Variants in PLXNA2 observed in about 807,000 individuals in gnomAD.
The protein encoded by PLXNA2 is plexin A2, also known as plexin-A2.
A neutral mutation model predicts 193.5 loss-of-function variants in PLXNA2; 91 were observed. The observed-to-expected ratio is 0.47, with a 90% CI of 0.40 to 0.56. The LOEUF (loss-of-function observed/expected upper bound fraction) is 0.56. PLXNA2 is among the 20% of genes least tolerant of loss of function. The probability of loss-of-function intolerance (pLI) is 0.00; values close to 1 mark genes in which losing one functional copy is unlikely to be tolerated. For synonymous variants in PLXNA2, 997 were observed against 1,027.3 expected, an observed-to-expected ratio of 0.97 and a Z score of 0.56; for missense variants, 1,995 against 2,503.2, an observed-to-expected ratio of 0.80 and a Z score of 4.33.
At chr1:208,046,403 G>T (rs1338370119) in intron 17 of PLXNA2, among the ~76,000 whole-genome samples, 1 of 152,174 alleles carries the variant, frequency 6.6e-6, no homozygotes, top group Non-Finnish European at 1.5e-5. Context: ...GGCAGACACA[G>T]TCTGGAGGGA....
rs548644189 is a variant in PLXNA2 at position 208,196,475 on chromosome 1, A to G, written c.1371+13805T>C. Reference sequence around the variant, plus strand: ...ACAGTGTATTTGTGGGGCAGACAACAGAAGTGAATGCAAATCCTGTGTTCA... The same window carrying G: ...ACAGTGTATTTGTGGGGCAGACAACGGAAGTGAATGCAAATCCTGTGTTCA... On this transcript the variant is annotated intron_variant, in intron 3 of 31. Coordinates refer to ENST00000367033, the MANE Select transcript of PLXNA2 (RefSeq NM_025179.4). Among the ~76,000 whole-genome samples the G allele has an allele frequency of 3.0e-3, 463 of 152,350 alleles. 2 individuals are homozygous for G. Among genetic ancestry groups the G allele is most frequent in the Non-Finnish European group, 4.7e-3 (322 of 68,038 alleles).
At chr1:208,146,059 C>T (rs1440119714) in intron 3 of PLXNA2, among the ~76,000 whole-genome samples, 1 of 152,036 alleles carries the variant, frequency 6.6e-6, no homozygotes, top group Non-Finnish European at 1.5e-5. Flanking sequence ...GCCAGGAGGC[C>T]AGGTCAAGGA....
intron 4 of PLXNA2, among the ~76,000 whole-genome samples, chr1:208,118,884 A>G (rs2102445254): frequency 6.6e-6 from 1 of 152,344 alleles, no homozygotes; most frequent in Non-Finnish European, 1.5e-5. Context: ...TTTTGGAGTC[A>G]TAACTGATGT....
intron 3 of PLXNA2, among the ~76,000 whole-genome samples, chr1:208,196,414 C>G (rs1331261317): frequency 6.6e-6 from 1 of 152,212 alleles, no homozygotes; most frequent in Non-Finnish European, 1.5e-5. Context: ...CACACACTTG[C>G]CTTTAAGCAT....
chr1:208,183,407 G>A (rs1182039128), intron 3 of PLXNA2, among the ~76,000 whole-genome samples: 5 of 152,196 alleles, frequency 3.3e-5, no homozygotes, highest in Non-Finnish European at 5.9e-5. Context: ...GGGGAGTAGA[G>A]GGAGCCGGAA....
chr1:208,127,255 A>T (rs868026180), intron 4 of PLXNA2, among the ~76,000 whole-genome samples: 2 of 110,054 alleles, frequency 1.8e-5, no homozygotes, highest in Admixed American at 1.1e-4. Context: ...TTTGGGTATG[A>T]TACACATATG....
intron 3 of PLXNA2, among the ~76,000 whole-genome samples, chr1:208,148,564 G>T (rs1028731263): frequency 3.3e-5 from 5 of 152,216 alleles, no homozygotes; most frequent in Admixed American, 6.5e-5. Context: ...TGAGTTATTA[G>T]CTATGAATGT....
At chr1:208,098,458 T>TCTCA (rs368366958) in intron 6 of PLXNA2, among the ~76,000 whole-genome samples, 9,228 of 123,162 alleles carry the variant, frequency 0.075, 327 homozygotes, top group Middle Eastern at 0.11. Context: ...TCTCTCTCTC[T>TCTCA]CACACACACA....
In PLXNA2 at chr1:208,030,116, A is replaced by G. The variant is rs560557211; in HGVS notation, c.5226-1074T>C. 5.1e-6 allele frequency: 5 copies of G among 985,506 alleles called. No individual in the cohort carries two copies. In the East Asian group the frequency reaches 4.5e-4, roughly 89 times the overall value. The allele number at this position is 985,506 out of a possible 1,614,324, so 61.0% of individuals were successfully genotyped here. The stretch of plus-strand genomic sequence containing the variant: ...AGCCCTTCCACGATGATTTCTGCCT[A>G]TCTTCCAAAACACAACAGGATCCCT... On this transcript the variant is annotated intron_variant, in intron 29 of 31. Transcript: ENST00000367033.
intron 9 of PLXNA2, among the ~76,000 whole-genome samples, chr1:208,088,686 C>T (rs559699751): frequency 5.8e-4 from 88 of 152,364 alleles, no homozygotes; most frequent in Non-Finnish European, 1.1e-3. Flanking sequence ...GAGAGCTTGA[C>T]AAATGGTTTA....
At chr1:208,171,543 T>C (rs1028260672) in intron 3 of PLXNA2, among the ~76,000 whole-genome samples, 3 of 152,172 alleles carry the variant, frequency 2.0e-5, no homozygotes, top group Non-Finnish European at 2.9e-5. Flanking sequence ...TAAATGTTGG[T>C]AATAGGCCTA....
At chr1:208,210,881 C>T (rs1035894834) in intron 2 of PLXNA2, among the ~76,000 whole-genome samples, 2 of 152,194 alleles carry the variant, frequency 1.3e-5, no homozygotes, top group Admixed American at 1.3e-4. Flanking sequence ...TACAGGATTT[C>T]TACCAGCCCA....
intron 7 of PLXNA2, 139 bp from the exon 8 acceptor site, chr1:208,096,264 T>C (rs775241437): frequency 5.9e-6 from 4 of 676,230 alleles, no homozygotes; most frequent in Non-Finnish European, 1.0e-5. Context: ...CCTGCCTGAA[T>C]CGTCTCTTCT....
intron 3 of PLXNA2, among the ~76,000 whole-genome samples, chr1:208,197,077 C>G (rs1002220218): frequency 1.3e-5 from 2 of 152,198 alleles, no homozygotes; most frequent in Non-Finnish European, 2.9e-5. Flanking sequence ...AGTTAAATAA[C>G]TTGGCCAAGG....
At chr1:208,156,244 C>T (rs968819839) in intron 3 of PLXNA2, among the ~76,000 whole-genome samples, 7 of 152,146 alleles carry the variant, frequency 4.6e-5, no homozygotes, top group Admixed American at 2.0e-4. Context: ...AGGAAGCGAA[C>T]GGCTTTGGGG....
At chr1:208,185,714 A>AAAAAAAG (rs1558234131) in intron 3 of PLXNA2, among the ~76,000 whole-genome samples, 1 of 135,920 alleles carries the variant, frequency 7.4e-6, no homozygotes, top group East Asian at 2.1e-4. Context: ...AAAAAAAAAA[A>AAAAAAAG]AAAAGGAAAA....
At position 208,126,260 on chromosome 1, in the gene PLXNA2, C is replaced by A. The variant is rs935127333; in HGVS notation, c.1506+16069G>T. 4.6e-5 allele frequency among the ~76,000 whole-genome samples: 7 copies of A among 152,288 alleles called. No individual in the cohort carries two copies. In the South Asian group the frequency reaches 1.2e-3, roughly 27 times the overall value. ...AAATCTGTTAGACCCTGGGAAGCAACCTTGACCCCATGGGGTGGTTTGGTT... is the reference window on the plus strand; with the variant it reads ...AAATCTGTTAGACCCTGGGAAGCAAACTTGACCCCATGGGGTGGTTTGGTT... On this transcript the variant is annotated intron_variant, in intron 4 of 31. Coordinates refer to ENST00000367033, the MANE Select transcript of PLXNA2 (RefSeq NM_025179.4).
At chr1:208,109,381 C>A (rs1448178260) in intron 4 of PLXNA2, among the ~76,000 whole-genome samples, 1 of 152,170 alleles carries the variant, frequency 6.6e-6, no homozygotes, top group South Asian at 2.1e-4. Flanking sequence ...CCAATCCAAA[C>A]CTGTTTTCAA....
intron 12 of PLXNA2, 88 bp downstream of exon 12, chr1:208,079,172 C>T (rs1403946396): frequency 1.7e-6 from 2 of 1,160,468 alleles, no homozygotes; most frequent in Non-Finnish European, 2.5e-6. Flanking sequence ...ATAATTTGTC[C>T]ACAGAGTCTC....
Sources: allele counts gnomAD v4.1 joint callset (sites outside exome capture counted in the v4.1 genomes callset), GRCh38; gene constraint gnomAD v4.1.1; transcripts MANE v1.5; gene names NCBI Gene and HGNC (gene_info 2026-07-23, HGNC 2026-07-21).